LPP: variants seen among roughly 807,000 people sequenced by gnomAD.
LPP encodes the protein LIM domain containing preferred translocation partner in lipoma, also known as lipoma-preferred partner.
A neutral mutation model predicts 60.4 loss-of-function variants in LPP; 38 were observed. The observed-to-expected ratio is 0.63, with a 90% CI of 0.49 to 0.83. LPP has a LOEUF of 0.83. Among genes scored for constraint, LPP ranks in the 40% least tolerant of loss-of-function variants. The pLI, the probability that LPP is intolerant of heterozygous loss-of-function variation, is 0.00. For missense variants in LPP, 902 were observed against 783.6 expected, an observed-to-expected ratio of 1.15 and a Z score of -1.80; for synonymous variants, 328 against 290.8, an observed-to-expected ratio of 1.13 and a Z score of -1.30.
intron 2 of LPP, among the ~76,000 whole-genome samples, chr3:188,265,784 C>T (rs1448452710): frequency 6.6e-6 from 1 of 150,786 alleles, no homozygotes; most frequent in African/African-American, 2.4e-5. Context: ...CTATGCCTTC[C>T]TGTAATGTTG....
At chr3:188,471,556 A>C (rs1274026892) in intron 4 of LPP, among the ~76,000 whole-genome samples, 2 of 152,184 alleles carry the variant, frequency 1.3e-5, no homozygotes, top group Non-Finnish European at 2.9e-5. Context: ...TGTGATAGGG[A>C]GAATTGTGAT....
chr3:188,242,062 T>C (rs1395931844), intron 2 of LPP, among the ~76,000 whole-genome samples: 1 of 152,216 alleles, frequency 6.6e-6, no homozygotes, highest in Middle Eastern at 3.4e-3. Flanking sequence ...GGCTAATAGG[T>C]GTTAAGGAGG....
At chr3:188,651,231 G>A (rs1852014341) in intron 7 of LPP, among the ~76,000 whole-genome samples, 2 of 152,182 alleles carry the variant, frequency 1.3e-5, no homozygotes, top group African/African-American at 4.8e-5. Flanking sequence ...AACGCAGTCT[G>A]CCTTCCAGGA....
intron 4 of LPP, among the ~76,000 whole-genome samples, chr3:188,411,201 A>G (rs547887971): frequency 2.0e-5 from 3 of 152,260 alleles, no homozygotes; most frequent in African/African-American, 7.2e-5. Context: ...GGGAAATGCA[A>G]ATTAAAACCA....
chr3:188,702,357 G>C (rs774440854), intron 7 of LPP, among the ~76,000 whole-genome samples: 2 of 137,974 alleles, frequency 1.4e-5, no homozygotes, highest in Admixed American at 7.5e-5. Flanking sequence ...TTTTTTTTCC[G>C]GCTGTTGTAC....
chr3:188,520,171 G>A (rs1051898322), intron 5 of LPP, among the ~76,000 whole-genome samples: 3 of 152,158 alleles, frequency 2.0e-5, no homozygotes, highest in Non-Finnish European at 4.4e-5. Context: ...TATGTATTCA[G>A]ATAATGCATA....
chr3:188,288,838 C>CT (rs1386617960), intron 2 of LPP, among the ~76,000 whole-genome samples: 3 of 131,866 alleles, frequency 2.3e-5, no homozygotes, highest in Non-Finnish European at 3.3e-5. Flanking sequence ...CCCACCCCCC[C>CT]GCCCCTCTAG....
rs562581456 is a variant in LPP at position 188,787,956 on chromosome 3, A to G, written c.1410+27674A>G. The stretch of plus-strand genomic sequence containing the variant: ...ATTGGCCCATAGGCCCACAAATGCA[A>G]CAGTTTCAGACAGAACCCAAGGTGT... On this transcript the variant is annotated intron_variant, in intron 9 of 11. Coordinates refer to ENST00000617246, the MANE Select transcript of LPP (RefSeq NM_001375462.1). Among the ~76,000 whole-genome samples the G allele has an allele frequency of 7.2e-5, 11 of 152,294 alleles. 1 individual carries two copies. Among genetic ancestry groups the G allele is most frequent in the Admixed American group, 3.9e-4 (6 of 15,292 alleles).
In LPP at chr3:188,843,663, T is replaced by C. The variant is rs556265651; in HGVS notation, c.1411-22537T>C. On this transcript the variant is annotated intron_variant, in intron 9 of 11. Coordinates refer to ENST00000617246, the MANE Select transcript of LPP (RefSeq NM_001375462.1). ...TTAGCCGGGCGCAGTGGGGGGCGCC[T>C]GTAGTCCCAGCTACTCGGGAGGCTG... is the stretch of plus-strand genomic sequence containing the variant. Among the ~76,000 whole-genome samples the C allele has an allele frequency of 2.8e-5, 4 of 144,814 alleles. No homozygotes were observed. The East Asian group carries it at 7.8e-4, about 28-fold the overall frequency.
chr3:188,349,198 A>G (rs909121392), intron 3 of LPP, among the ~76,000 whole-genome samples: 1 of 152,210 alleles, frequency 6.6e-6, no homozygotes, highest in Non-Finnish European at 1.5e-5. Context: ...TTTTTAAAAA[A>G]ATTTAAAAAG....
chr3:188,798,904 T>C (rs1363905902), intron 9 of LPP, among the ~76,000 whole-genome samples: 1 of 152,234 alleles, frequency 6.6e-6, no homozygotes, highest in East Asian at 1.9e-4. Flanking sequence ...TCTTGCTCAG[T>C]ATCTTAAAAT....
chr3:188,860,004 A>C (rs189669627), intron 9 of LPP, among the ~76,000 whole-genome samples: 6 of 152,278 alleles, frequency 3.9e-5, no homozygotes, highest in Admixed American at 3.9e-4. Context: ...TTCAAAACAC[A>C]CATTACATGC....
At position 188,785,547 on chromosome 3, in the gene LPP, T is replaced by TATATATATACACACACACAC. The variant is rs1206082559; in HGVS notation, c.1410+25266_1410+25267insTATATATACACACACACACA. Among the ~76,000 whole-genome samples, 168 of 43,844 alleles carry TATATATATACACACACACAC rather than the reference T, an allele frequency of 3.8e-3. 26 individuals carry two copies. The highest frequency in any genetic ancestry group is 0.015 in the African/African-American group (160 of 10,628). The allele number at this position is 43,844 out of a possible 152,430, so 28.8% of individuals were successfully genotyped here. Reference sequence around the variant, plus strand: ...ATATATATTCCATCATATATATATATACACACACACACACACACACACACA... The same window carrying TATATATATACACACACACAC: ...ATATATATTCCATCATATATATATATATATATATACACACACACACACACACACACACACACACACACACA... On this transcript the variant is annotated intron_variant, in intron 9 of 11. Transcript: ENST00000617246.
chr3:188,171,663 A>G (rs1034160093), intron 1 of LPP, among the ~76,000 whole-genome samples: 1 of 152,174 alleles, frequency 6.6e-6, no homozygotes, highest in East Asian at 1.9e-4. Context: ...AGGATCCCAT[A>G]ATGGAGGTGA....
At chr3:188,424,152 C>T (rs1010649263) in intron 4 of LPP, among the ~76,000 whole-genome samples, 7 of 152,028 alleles carry the variant, frequency 4.6e-5, no homozygotes, top group African/African-American at 7.3e-5. Context: ...AGGAAGGGGT[C>T]CAGTTTCAGT....
intron 2 of LPP, among the ~76,000 whole-genome samples, chr3:188,322,966 C>T (rs185298816): frequency 6.6e-6 from 1 of 152,248 alleles, no homozygotes; most frequent in Admixed American, 6.5e-5. Flanking sequence ...CTTCCATCTT[C>T]ACTTTAGAGG....
intron 9 of LPP, among the ~76,000 whole-genome samples, chr3:188,831,746 A>T (rs1051383622): frequency 2.0e-5 from 3 of 152,194 alleles, no homozygotes; most frequent in Non-Finnish European, 2.9e-5. Context: ...CTATAGGAGA[A>T]CTGGATGAGA....
intron 2 of LPP, among the ~76,000 whole-genome samples, chr3:188,326,347 A>G (rs1758424619): frequency 6.6e-6 from 1 of 152,192 alleles, no homozygotes; most frequent in Non-Finnish European, 1.5e-5. Flanking sequence ...AATTAAATAT[A>G]CCGTACTCTT....
intron 8 of LPP, among the ~76,000 whole-genome samples, chr3:188,754,748 G>A (rs1729591531): frequency 6.6e-6 from 1 of 151,952 alleles, no homozygotes; most frequent in South Asian, 2.1e-4. Context: ...TAAGAAACAA[G>A]TTGTCTATTA....
Sources: gnomAD v4.1 joint callset for allele counts (sites outside exome capture counted in the v4.1 genomes callset) on GRCh38, gnomAD v4.1.1 for gene constraint, MANE v1.5 for transcripts, NCBI Gene and HGNC (gene_info 2026-07-23, HGNC 2026-07-21) for gene names.